The following HERC3 variants were observed in gnomAD, a reference collection of about 807,000 sequenced individuals.
HERC3 encodes the protein HECT and RLD domain containing E3 ubiquitin protein ligase 3, also known as probable E3 ubiquitin-protein ligase HERC3.
Under a neutral mutation model 129.9 loss-of-function variants are expected in HERC3, and 58 were observed. The ratio of observed to expected loss-of-function variants is 0.45; its 90% CI spans 0.36 to 0.56. HERC3 has a LOEUF of 0.56. HERC3 is among the 20% of genes least tolerant of loss of function. HERC3 has a pLI of 0.00. For synonymous variants in HERC3, 430 were observed against 451.0 expected, an observed-to-expected ratio of 0.95 and a Z score of 0.59; for missense variants, 835 against 1,244.2, an observed-to-expected ratio of 0.67 and a Z score of 4.95.
chr4:88,552,843 G>C, the HERC3 span, among the ~76,000 whole-genome samples: 1 of 152,022 alleles, frequency 6.6e-6, no homozygotes, highest in Non-Finnish European at 1.5e-5. Flanking sequence ...CCTACTAATG[G>C]GCCCTGTTGT....
At chr4:88,646,745 G>T (rs750776722) in intron 3 of HERC3, among the ~76,000 whole-genome samples, 6 of 152,224 alleles carry the variant, frequency 3.9e-5, no homozygotes, top group Middle Eastern at 3.4e-3. Flanking sequence ...TGACCTAGGG[G>T]GTAGATTCTA....
chr4:88,587,304 G>C, the HERC3 span, among the ~76,000 whole-genome samples: 1 of 152,166 alleles, frequency 6.6e-6, no homozygotes, highest in African/African-American at 2.4e-5. Flanking sequence ...AAAGGTACAG[G>C]TTTATTCAGG....
the HERC3 span, among the ~76,000 whole-genome samples, chr4:88,529,234 C>G: frequency 1.3e-5 from 2 of 152,150 alleles, no homozygotes; most frequent in African/African-American, 4.8e-5. Flanking sequence ...CTGCACGAGG[C>G]AGGAGGATTG....
chr4:88,669,818 C>T, intron 14 of HERC3, 42 bp from the exon 15 acceptor site: 1 of 1,555,740 alleles, frequency 6.4e-7, no homozygotes. Flanking sequence ...AATACTTGCC[C>T]AAGATTACAT....
At position 88,633,420 on chromosome 4, in the gene HERC3, ATG is replaced by A. The variant is rs552344280; in HGVS notation, c.227-16419_227-16418del. On this transcript the variant is annotated intron_variant, in intron 3 of 25. Transcript: ENST00000402738. The stretch of plus-strand genomic sequence containing the variant: ...AAGGGGGGATGGTAAAGTAACCTAT[ATG>A]GTGGTAGGGTTTCTTCCGTGTAATA... Among the ~76,000 whole-genome samples, 106 of 152,346 alleles carry A rather than the reference ATG, an allele frequency of 7.0e-4. No individual in the cohort carries two copies. The East Asian group carries it at 0.02, about 28-fold the overall frequency.
In HERC3 at chr4:88,652,763, G is replaced by A. The variant is rs937273726; in HGVS notation, c.464-106G>A. ...ATCTCTGTTCCTTTGCTCTTGGGTG[G>A]GTTTGGTGTTGGGGGGCAACTGGCA... On this transcript the variant is annotated intron_variant, in intron 5 of 25. Coordinates refer to ENST00000402738, the MANE Select transcript of HERC3 (RefSeq NM_014606.3). 3.5e-6 allele frequency: 4 copies of A among 1,132,950 alleles called. No individual in the cohort carries two copies. The African/African-American group carries it at 4.7e-5, about 13-fold the overall frequency. The allele number at this position is 1,132,950 out of a possible 1,614,324, so 70.2% of individuals were successfully genotyped here. A position where few individuals can be genotyped will look rare whatever the true frequency, so the allele number is the denominator to read the frequency against.
At chr4:88,621,909 A>G (rs901117209) in intron 3 of HERC3, among the ~76,000 whole-genome samples, 1 of 152,238 alleles carries the variant, frequency 6.6e-6, no homozygotes, top group Non-Finnish European at 1.5e-5. Flanking sequence ...TTGTACTTGC[A>G]TGGCCATGAC....
chr4:88,659,163 C>T (rs1271249819), intron 10 of HERC3, among the ~76,000 whole-genome samples: 1 of 152,206 alleles, frequency 6.6e-6, no homozygotes, highest in African/African-American at 2.4e-5. Flanking sequence ...CCTGTGCTTT[C>T]TCTCCTCTCT....
intron 3 of HERC3, among the ~76,000 whole-genome samples, chr4:88,641,429 A>G (rs543572115): frequency 6.6e-6 from 1 of 152,358 alleles, no homozygotes; most frequent in Admixed American, 6.5e-5. Flanking sequence ...TAAATGGAAG[A>G]TAAGTACAAG....
the HERC3 span, among the ~76,000 whole-genome samples, chr4:88,559,036 G>C: frequency 6.6e-6 from 1 of 151,580 alleles, no homozygotes; most frequent in Non-Finnish European, 1.5e-5. Context: ...TGTGTATACA[G>C]AAGGTATATA....
chr4:88,624,067 G>C (rs1725831706), intron 3 of HERC3, among the ~76,000 whole-genome samples: 1 of 152,110 alleles, frequency 6.6e-6, no homozygotes, highest in African/African-American at 2.4e-5. Context: ...TGGCTTCTTA[G>C]AATAATGCTC....
chr4:88,599,070 G>T (rs1032770704), intron 2 of HERC3, among the ~76,000 whole-genome samples: 4 of 152,152 alleles, frequency 2.6e-5, no homozygotes, highest in Non-Finnish European at 4.4e-5. Flanking sequence ...AGGAAAAATG[G>T]GTGTAAGGAC....
In HERC3 at chr4:88,704,601, A is replaced by T. The variant is rs770621174; in HGVS notation, c.2935A>T (p.Lys979Ter). ...TGAGTTTCCATTGGAAAAGAAGAAG[A>T]AGTTTCTCTGTAAGTATCAGTAATC... ...FHEFPLEKKK[K>*]FLLFLTGSDR... The change falls in exon 25 of 26, where the codon AAG becomes TAG. Residue 979 changes from lysine to a stop codon, truncating the protein, a stop_gained. Coordinates refer to ENST00000402738, the MANE Select transcript of HERC3 (RefSeq NM_014606.3). LOFTEE classifies it high-confidence loss of function. 6.3e-6 allele frequency: 10 copies of T among 1,577,294 alleles called. No individual in the cohort carries two copies. The highest frequency in any genetic ancestry group is 3.3e-5 in the Admixed American group (2 of 59,950).
rs75837467 is a variant in HERC3 at position 88,608,747 on chromosome 4, T to C, written c.226+2698T>C. Reference sequence around the variant, plus strand: ...CTCCTAAATGTGCCCTCTGTTTCCCTAGGCCAGAGCCAGTGTCTAACAAGT... The same window carrying C: ...CTCCTAAATGTGCCCTCTGTTTCCCCAGGCCAGAGCCAGTGTCTAACAAGT... On this transcript the variant is annotated intron_variant, in intron 3 of 25. Coordinates refer to ENST00000402738, the MANE Select transcript of HERC3 (RefSeq NM_014606.3). Among the ~76,000 whole-genome samples the C allele has an allele frequency of 4.8e-3, 725 of 152,328 alleles. 10 individuals are homozygous for C. The highest frequency in any genetic ancestry group is 0.017 in the African/African-American group (692 of 41,568).
intron 23 of HERC3, chr4:88,689,836 C>T (rs1341990407): frequency 8.7e-6 from 2 of 228,604 alleles, no homozygotes; most frequent in Non-Finnish European, 1.4e-5. Flanking sequence ...CCTCGGCCTC[C>T]CAAAGTGCTG....
At chr4:88,626,872 CTTTTTG>C (rs141280738) in intron 3 of HERC3, among the ~76,000 whole-genome samples, 7,455 of 151,652 alleles carry the variant, frequency 0.049, 235 homozygotes, top group Middle Eastern at 0.12. Flanking sequence ...TTTTATTATT[CTTTTTG>C]TTTGTTTTGT....
At position 88,687,294 on chromosome 4, in the gene HERC3, T is replaced by A. The variant is rs1418647901; in HGVS notation, c.2652T>A (p.Asp884Glu). 1 of 1,608,954 alleles carries A rather than the reference T, an allele frequency of 6.2e-7. No individual in the cohort carries two copies. Among genetic ancestry groups the A allele is most frequent in the Admixed American group, 1.7e-5 (1 of 59,914 alleles). ...GAGATAATGTAACTGTGTGCAAGGA[T>A]AACAGGTTAGTCCTGACCTTGGACT... ...PGGDNVTVCK[D>E]NRQEFVDAYV... The change falls in exon 23 of 26, where the codon GAT becomes GAA. Residue 884 changes from aspartate to glutamate, a missense_variant. Transcript: ENST00000402738.
At chr4:88,665,953 A>C (rs553401510) in intron 12 of HERC3, among the ~76,000 whole-genome samples, 2 of 152,318 alleles carry the variant, frequency 1.3e-5, no homozygotes, top group Admixed American at 1.3e-4. Context: ...AATTTCTGGT[A>C]ACATTTTTGG....
the HERC3 span, among the ~76,000 whole-genome samples, chr4:88,583,204 G>T: frequency 6.6e-6 from 1 of 151,976 alleles, no homozygotes; most frequent in African/African-American, 2.4e-5. Flanking sequence ...TGGGGAGGCC[G>T]AGGTGGGTGG....
Sources: allele counts gnomAD v4.1 joint callset (sites outside exome capture counted in the v4.1 genomes callset), GRCh38; gene constraint gnomAD v4.1.1; transcripts MANE v1.5; gene names NCBI Gene and HGNC (gene_info 2026-07-23, HGNC 2026-07-21).